The following GPR176 variants were observed in gnomAD, a reference collection of about 807,000 sequenced individuals.
GPR176 encodes G protein-coupled receptor 176.
GPR176 carries 26 observed loss-of-function variants against 35.4 expected under a neutral mutation model. That is an observed-to-expected ratio of 0.74 (90% CI 0.54 to 1.02). The LOEUF (loss-of-function observed/expected upper bound fraction) is 1.02, where lower values mean the gene tolerates loss of function less well. GPR176 is among the 50% of genes least tolerant of loss of function. GPR176 has a pLI of 0.00. For synonymous variants in GPR176, 278 were observed against 271.3 expected, an observed-to-expected ratio of 1.02 and a Z score of -0.24; for missense variants, 597 against 665.3, an observed-to-expected ratio of 0.90 and a Z score of 1.13.
At chr15:39,850,248 G>C (rs58436679) in intron 1 of GPR176, among the ~76,000 whole-genome samples, 1 of 152,148 alleles carries the variant, frequency 6.6e-6, no homozygotes, top group South Asian at 2.1e-4. Flanking sequence ...TTGCACTATG[G>C]CATTACAATG....
At chr15:39,859,427 T>C (rs1489125705) in intron 1 of GPR176, among the ~76,000 whole-genome samples, 1 of 150,254 alleles carries the variant, frequency 6.7e-6, no homozygotes, top group East Asian at 1.9e-4. Flanking sequence ...CCACTAATCA[T>C]CAGAGAATTG....
At position 39,904,796 on chromosome 15, in the gene GPR176, G is replaced by C. The variant is rs2033375543; in HGVS notation, c.172+15059C>G. Reference sequence around the variant, plus strand: ...TATAGACCAGGGTGTGAGAGCAATGGCATGGGGTCACGTCAGGGCTTGTCC... The same window carrying C: ...TATAGACCAGGGTGTGAGAGCAATGCCATGGGGTCACGTCAGGGCTTGTCC... On this transcript the variant is annotated intron_variant, in intron 1 of 2. Transcript: ENST00000561100. Among the ~76,000 whole-genome samples the C allele has an allele frequency of 5.3e-5, 8 of 152,204 alleles. No homozygotes were observed. In the South Asian group the frequency reaches 1.7e-3, roughly 31 times the overall value.
chr15:39,840,639 A>T (rs2029900463), intron 1 of GPR176, among the ~76,000 whole-genome samples: 1 of 152,308 alleles, frequency 6.6e-6, no homozygotes, highest in Non-Finnish European at 1.5e-5. Flanking sequence ...AACAATAATA[A>T]AAAAGAAGGG....
chr15:39,825,395 C>A (rs1357374657), intron 1 of GPR176, among the ~76,000 whole-genome samples: 1 of 152,006 alleles, frequency 6.6e-6, no homozygotes, highest in East Asian at 1.9e-4. Flanking sequence ...TGGATACCAT[C>A]TTCTTATATA....
At chr15:39,875,555 A>G (rs1429494771) in intron 1 of GPR176, among the ~76,000 whole-genome samples, 2 of 152,164 alleles carry the variant, frequency 1.3e-5, no homozygotes, top group Non-Finnish European at 1.5e-5. Context: ...CTATTCATAG[A>G]CAATCGGCAG....
chr15:39,844,386 T>C (rs2030254313), intron 1 of GPR176, among the ~76,000 whole-genome samples: 1 of 152,042 alleles, frequency 6.6e-6, no homozygotes, highest in Non-Finnish European at 1.5e-5. Context: ...AATATGTATT[T>C]ATCCTCAATC....
rs531101394 is a variant in GPR176 at position 39,865,948 on chromosome 15, C to T, written c.172+53907G>A. Among the ~76,000 whole-genome samples the T allele has an allele frequency of 5.3e-5, 8 of 152,014 alleles. 1 individual carries two copies. The South Asian group carries it at 1.5e-3, about 28-fold the overall frequency. On this transcript the variant is annotated intron_variant, in intron 1 of 2. Transcript: ENST00000561100. Reference sequence around the variant, plus strand: ...TAACGGTGAAAGACTGGAAACAAAACAGATATCCACCAAGAGGGAACCAGT... The same window carrying T: ...TAACGGTGAAAGACTGGAAACAAAATAGATATCCACCAAGAGGGAACCAGT...
rs185598275 is a variant in GPR176, at chr15:39,917,958, T to C, written c.172+1897A>G. ...TACTCAGGGGGCTGAGGCAGGAGAATCACTTGAACCCAGGAGGCAGAGGTT... is the reference window on the plus strand; with the variant it reads ...TACTCAGGGGGCTGAGGCAGGAGAACCACTTGAACCCAGGAGGCAGAGGTT... On this transcript the variant is annotated intron_variant, in intron 1 of 2. Coordinates refer to ENST00000561100, the MANE Select transcript of GPR176 (RefSeq NM_007223.3). 2.1e-3 allele frequency among the ~76,000 whole-genome samples: 309 copies of C among 146,658 alleles called. 1 individual carries two copies. Among genetic ancestry groups the C allele is most frequent in the African/African-American group, 7.6e-3 (300 of 39,426 alleles).
chr15:39,809,205 AT>A (rs1180505185), intron 1 of GPR176, among the ~76,000 whole-genome samples: 8 of 152,158 alleles, frequency 5.3e-5, no homozygotes, highest in Non-Finnish European at 1.2e-4. Context: ...CTCTTCTGCT[AT>A]TAAGAACCTG....
intron 1 of GPR176, among the ~76,000 whole-genome samples, chr15:39,823,484 A>G (rs2140814431): frequency 6.6e-6 from 1 of 152,198 alleles, no homozygotes; most frequent in African/African-American, 2.4e-5. Context: ...TGTCAACTCT[A>G]CCTACAGAAT....
At chr15:39,877,550 C>CTTTT (rs56071903) in intron 1 of GPR176, among the ~76,000 whole-genome samples, 1 of 131,640 alleles carries the variant, frequency 7.6e-6, no homozygotes, top group Non-Finnish European at 1.7e-5. Flanking sequence ...TCTTCTTCTT[C>CTTTT]TTTTTTTTTT....
chr15:39,822,592 T>C (rs1900349672), intron 1 of GPR176, among the ~76,000 whole-genome samples: 1 of 152,212 alleles, frequency 6.6e-6, no homozygotes, highest in Non-Finnish European at 1.5e-5. Context: ...CAGTGTCAGA[T>C]TTTACTTACC....
chr15:39,913,686 G>T (rs571909275), intron 1 of GPR176, among the ~76,000 whole-genome samples: 2 of 152,276 alleles, frequency 1.3e-5, no homozygotes, highest in Admixed American at 1.3e-4. Flanking sequence ...GTTTCTTTAT[G>T]GGATGATAAA....
chr15:39,855,091 C>T (rs1019522447), intron 1 of GPR176, among the ~76,000 whole-genome samples: 3 of 151,860 alleles, frequency 2.0e-5, no homozygotes, highest in African/African-American at 7.3e-5. Context: ...CCTTGGAAAC[C>T]TTGAAACTTG....
intron 1 of GPR176, among the ~76,000 whole-genome samples, chr15:39,889,888 C>T (rs1267028626): frequency 3.3e-5 from 5 of 152,168 alleles, no homozygotes; most frequent in African/African-American, 1.2e-4. Flanking sequence ...CATAGCCTCT[C>T]TAAGCGCCAG....
chr15:39,913,782 C>T (rs2033644621), intron 1 of GPR176, among the ~76,000 whole-genome samples: 1 of 152,142 alleles, frequency 6.6e-6, no homozygotes, highest in East Asian at 1.9e-4. Context: ...CGCGGTGGCT[C>T]ACGCCTGTAA....
chr15:39,908,573 G>A (rs899903123), intron 1 of GPR176, among the ~76,000 whole-genome samples: 1 of 123,940 alleles, frequency 8.1e-6, no homozygotes, highest in Admixed American at 8.2e-5. Context: ...TCTTTTTTTT[G>A]TTCATGTAAT....
chr15:39,884,898 C>T (rs1350547035), intron 1 of GPR176, among the ~76,000 whole-genome samples: 4 of 152,074 alleles, frequency 2.6e-5, no homozygotes, highest in Non-Finnish European at 4.4e-5. Context: ...TAAACAAAAC[C>T]GGGGTCCTTT....
At chr15:39,831,889 C>T (rs10152851) in intron 1 of GPR176, among the ~76,000 whole-genome samples, 1,679 of 152,114 alleles carry the variant, frequency 0.011, 52 homozygotes, top group African/African-American at 0.039. Context: ...CTTCCCTTAT[C>T]ACTCTCAGTA....
Sources: gnomAD v4.1 joint callset for allele counts (sites outside exome capture counted in the v4.1 genomes callset) on GRCh38, gnomAD v4.1.1 for gene constraint, MANE v1.5 for transcripts, NCBI Gene and HGNC (gene_info 2026-07-23, HGNC 2026-07-21) for gene names.